Variants in CBR4 observed in about 807,000 individuals in gnomAD.
The protein encoded by CBR4 is carbonyl reductase 4.
A neutral mutation model predicts 21.0 loss-of-function variants in CBR4; 22 were observed. That is an observed-to-expected ratio of 1.05 (90% CI 0.75 to 1.50). The LOEUF (loss-of-function observed/expected upper bound fraction) is 1.50, where lower values mean the gene tolerates loss of function less well. Among genes scored for constraint, CBR4 ranks in the 40% most tolerant of loss-of-function variants. The probability of loss-of-function intolerance (pLI) is 0.00; values close to 1 mark genes in which losing one functional copy is unlikely to be tolerated. For missense variants in CBR4, 302 were observed against 286.3 expected, an observed-to-expected ratio of 1.05 and a Z score of -0.40; for synonymous variants, 100 against 104.4, an observed-to-expected ratio of 0.96 and a Z score of 0.26.
At chr4:168,962,966 C>T (rs1208168104) in intron 2 of CBR4, among the ~76,000 whole-genome samples, 1 of 152,110 alleles carries the variant, frequency 6.6e-6, no homozygotes, top group Non-Finnish European at 1.5e-5. Context: ...CTACTAGATA[C>T]AAAGTATTTC....
downstream of CBR4, among the ~76,000 whole-genome samples, chr4:168,984,618 A>C (rs1194380105): frequency 6.6e-6 from 1 of 152,236 alleles, no homozygotes; most frequent in Non-Finnish European, 1.5e-5. Context: ...ATCCTAAGCA[A>C]AAAGAACAAA....
Position 169,002,168 on chromosome 4 carries a change from G to C in CBR4, c.438C>G (p.Ser146=). The C allele has an allele frequency of 6.5e-7, 1 of 1,538,366 alleles. No homozygotes were observed. Among genetic ancestry groups the C allele is most frequent in the Non-Finnish European group, 8.7e-7 (1 of 1,146,634 alleles). The change falls in exon 4 of 5, where the codon TCC becomes TCG. Residue 146 remains serine, a synonymous_variant. Transcript: ENST00000306193. ...IVGLKGNSGQ[S]VYSASKGGLV... is the part of the protein sequence containing the mutation. ...ATCCTCCTTTACTGGCACTGTAAACGGACTGGCCAGAGTTGCCTTTTAAGC... is the reference window on the plus strand; with the variant it reads ...ATCCTCCTTTACTGGCACTGTAAACCGACTGGCCAGAGTTGCCTTTTAAGC...
intron 3 of CBR4, among the ~76,000 whole-genome samples, chr4:169,003,488 T>C (rs1730637755): frequency 6.6e-6 from 1 of 152,220 alleles, no homozygotes; most frequent in Non-Finnish European, 1.5e-5. Flanking sequence ...ATGTGAATAC[T>C]GTTGAAAGAA....
At chr4:168,898,091 G>A (rs992252181) in intron 2 of CBR4, 1 of 238,652 alleles carries the variant, frequency 4.2e-6, no homozygotes, top group African/African-American at 2.3e-5. Flanking sequence ...GTACTATGTG[G>A]AGAGATGTAC....
In CBR4 at chr4:168,894,719, GT is replaced by G. The variant is rs763116219; in HGVS notation, n.215del. 5.9e-5 allele frequency: 95 copies of G among 1,597,930 alleles called. No individual in the cohort carries two copies. In the African/African-American group the frequency reaches 1.2e-3, roughly 20 times the overall value. On this transcript the variant is annotated non_coding_transcript_exon_variant, in exon 3 of 4. Transcript: ENST00000509108. ...GACTTCTTAGGGTAACATTTATTCTGTCCCCCTTTTCCATCTTCCTTATGGA... is the reference window on the plus strand; with the variant it reads ...GACTTCTTAGGGTAACATTTATTCTGCCCCCTTTTCCATCTTCCTTATGGA...
rs189377966 is a variant in CBR4, at chr4:168,971,395, G to A, written n.169+30676C>T. Among the ~76,000 whole-genome samples, 1,044 of 149,796 alleles carry A rather than the reference G, an allele frequency of 7.0e-3. 6 individuals carry two copies. Among genetic ancestry groups the A allele is most frequent in the Non-Finnish European group, 0.01 (680 of 67,738 alleles). On this transcript the variant is annotated intron_variant and non_coding_transcript_variant, in intron 2 of 3. Coordinates refer to the CBR4 transcript ENST00000509108. ...GCAATCCTCCCAACCTCAGCCTCCC[G>A]AGTAGCTGGGATCACAGGCACACAC...
At chr4:168,922,971 G>A (rs28694547) in intron 2 of CBR4, among the ~76,000 whole-genome samples, 1 of 152,240 alleles carries the variant, frequency 6.6e-6, no homozygotes, top group African/African-American at 2.4e-5. Flanking sequence ...CTATCTCTGC[G>A]ACTTAGTTTC....
chr4:168,971,338 G>A (rs1218158027), intron 2 of CBR4, among the ~76,000 whole-genome samples: 1 of 151,788 alleles, frequency 6.6e-6, no homozygotes, highest in Non-Finnish European at 1.5e-5. Context: ...GTGCAACCCT[G>A]GCTCACTGCA....
intron 2 of CBR4, among the ~76,000 whole-genome samples, chr4:168,961,554 T>C (rs1452378756): frequency 6.6e-6 from 1 of 152,036 alleles, no homozygotes; most frequent in Non-Finnish European, 1.5e-5. Flanking sequence ...ATGAGATCCA[T>C]GAACTAAAAT....
intron 2 of CBR4, among the ~76,000 whole-genome samples, chr4:168,948,542 A>G (rs955590769): frequency 2.0e-5 from 3 of 152,138 alleles, no homozygotes; most frequent in Non-Finnish European, 4.4e-5. Context: ...TGATTTTTGT[A>G]TAAGGTGAGA....
chr4:168,965,833 A>G (rs538559390), intron 2 of CBR4, among the ~76,000 whole-genome samples: 1 of 152,354 alleles, frequency 6.6e-6, no homozygotes, highest in Admixed American at 6.5e-5. Flanking sequence ...TTCAGGACAT[A>G]GACATGGGCA....
intron 2 of CBR4, among the ~76,000 whole-genome samples, chr4:168,966,639 G>C (rs976247631): frequency 6.6e-6 from 1 of 152,190 alleles, no homozygotes; most frequent in Non-Finnish European, 1.5e-5. Flanking sequence ...CATTGTGGAA[G>C]ACAATGTGGC....
chr4:168,992,650 T>C (rs1425744854), intron 4 of CBR4, among the ~76,000 whole-genome samples: 1 of 152,188 alleles, frequency 6.6e-6, no homozygotes, highest in Non-Finnish European at 1.5e-5. Context: ...CTTATACTAA[T>C]GACTGAAAAA....
chr4:168,909,608 T>C (rs2151369192), intron 2 of CBR4, among the ~76,000 whole-genome samples: 1 of 152,296 alleles, frequency 6.6e-6, no homozygotes, highest in Admixed American at 6.5e-5. Context: ...CTCTAAACAT[T>C]CCCTTCCATT....
At chr4:168,981,417 T>TAAAGA (rs1180103276) in intron 2 of CBR4, among the ~76,000 whole-genome samples, 2 of 151,778 alleles carry the variant, frequency 1.3e-5, no homozygotes, top group Admixed American at 1.3e-4. Context: ...AAAATAAAAA[T>TAAAGA]AAAGAAAAGA....
chr4:168,944,006 A>G (rs1578914247), intron 2 of CBR4, among the ~76,000 whole-genome samples: 2 of 152,346 alleles, frequency 1.3e-5, no homozygotes, highest in East Asian at 3.8e-4. Context: ...GGGAGACTCT[A>G]CAAGATTTCA....
At chr4:168,922,332 G>A (rs1761748856) in intron 2 of CBR4, among the ~76,000 whole-genome samples, 1 of 152,120 alleles carries the variant, frequency 6.6e-6, no homozygotes, top group African/African-American at 2.4e-5. Context: ...TTAAGAGTTA[G>A]GTGTTGAGTA....
chr4:168,970,833 G>GAC (rs1764184686), intron 2 of CBR4, among the ~76,000 whole-genome samples: 1 of 149,534 alleles, frequency 6.7e-6, no homozygotes, highest in East Asian at 2.0e-4. Context: ...AGTAGTCCAT[G>GAC]ATATATATAT....
intron 2 of CBR4, among the ~76,000 whole-genome samples, chr4:168,932,269 T>C (rs1560950789): frequency 6.7e-6 from 1 of 150,280 alleles, no homozygotes; most frequent in East Asian, 1.9e-4. Flanking sequence ...ACAGAAATCT[T>C]AGAGTTGAAG....
Sources: gnomAD v4.1 joint callset for allele counts (sites outside exome capture counted in the v4.1 genomes callset) on GRCh38, gnomAD v4.1.1 for gene constraint, MANE v1.5 for transcripts, NCBI Gene and HGNC (gene_info 2026-07-23, HGNC 2026-07-21) for gene names.